Variants in C1orf21 observed in about 807,000 individuals in gnomAD.
C1orf21 encodes the protein chromosome 1 open reading frame 21, also known as uncharacterized protein C1orf21.
C1orf21 carries 3 observed loss-of-function variants against 18.7 expected under a neutral mutation model. The observed-to-expected ratio is 0.16, with a 90% CI of 0.07 to 0.42. C1orf21 has a LOEUF of 0.42. C1orf21 is among the 10% of genes least tolerant of loss of function. The pLI is 0.99. For synonymous variants in C1orf21, 41 were observed against 46.4 expected, an observed-to-expected ratio of 0.88 and a Z score of 0.47; for missense variants, 104 against 143.6, an observed-to-expected ratio of 0.72 and a Z score of 1.41.
intron 3 of C1orf21, among the ~76,000 whole-genome samples, chr1:184,564,826 G>A (rs1442278052): frequency 1.3e-5 from 2 of 152,178 alleles, no homozygotes; most frequent in African/African-American, 4.8e-5. Context: ...GACACAGCGA[G>A]TCACCTCTGC....
intron 3 of C1orf21, among the ~76,000 whole-genome samples, chr1:184,528,540 G>A (rs1397043315): frequency 1.3e-5 from 2 of 152,090 alleles, no homozygotes; most frequent in Admixed American, 1.3e-4. Context: ...TGCCTCCCAG[G>A]TTCCAGCAAT....
At chr1:184,568,384 T>C (rs1264154303) in intron 3 of C1orf21, 2 of 468,272 alleles carry the variant, frequency 4.3e-6, no homozygotes, top group African/African-American at 4.0e-5. Flanking sequence ...TCCTCCTTCC[T>C]CGCTGTTCCC....
intron 3 of C1orf21, among the ~76,000 whole-genome samples, chr1:184,552,853 C>G (rs1408428918): frequency 6.6e-6 from 1 of 152,154 alleles, no homozygotes; most frequent in Non-Finnish European, 1.5e-5. Flanking sequence ...TGAAATATTG[C>G]TTTGGTTATA....
chr1:184,464,948 T>C (rs1657365867), intron 1 of C1orf21, among the ~76,000 whole-genome samples: 1 of 152,078 alleles, frequency 6.6e-6, no homozygotes, highest in African/African-American at 2.4e-5. Flanking sequence ...TCTCTCTCTT[T>C]TAAAGAGAGA....
intron 3 of C1orf21, among the ~76,000 whole-genome samples, chr1:184,578,088 C>A (rs765991889): frequency 2.0e-5 from 3 of 151,818 alleles, no homozygotes. Flanking sequence ...TCCCGAATAG[C>A]TGAGATTACA....
At chr1:184,418,240 A>G (rs750454800) in intron 1 of C1orf21, among the ~76,000 whole-genome samples, 6 of 150,386 alleles carry the variant, frequency 4.0e-5, no homozygotes, top group Admixed American at 2.6e-4. Context: ...TTTTTTGGAG[A>G]TAGGGTCTTA....
intron 3 of C1orf21, among the ~76,000 whole-genome samples, chr1:184,578,887 C>G (rs1438736258): frequency 6.6e-6 from 1 of 151,668 alleles, no homozygotes; most frequent in Non-Finnish European, 1.5e-5. Flanking sequence ...TAAACTTTCT[C>G]AACATAAGCT....
rs1657864615 is a variant in C1orf21 at position 184,494,743 on chromosome 1, GA to G, written c.95-12843del. On this transcript the variant is annotated intron_variant, in intron 2 of 5. Transcript: ENST00000235307. ...CCATGGTCTGAGGCTTAGCAACATGGAATGAAAAATGAAATTTGAAAATTGT... is the reference window on the plus strand; with the variant it reads ...CCATGGTCTGAGGCTTAGCAACATGGATGAAAAATGAAATTTGAAAATTGT... Among the ~76,000 whole-genome samples the G allele has an allele frequency of 2.0e-5, 3 of 152,080 alleles. No individual in the cohort carries two copies. The South Asian group carries it at 6.2e-4, about 31-fold the overall frequency.
At chr1:184,568,007 T>A (rs943843037) in intron 3 of C1orf21, among the ~76,000 whole-genome samples, 5 of 152,144 alleles carry the variant, frequency 3.3e-5, no homozygotes, top group African/African-American at 1.2e-4. Flanking sequence ...GCACCATGGC[T>A]GAAGACAGCC....
At chr1:184,479,899 A>C (rs1420875139) in intron 2 of C1orf21, among the ~76,000 whole-genome samples, 1 of 152,144 alleles carries the variant, frequency 6.6e-6, no homozygotes, top group African/African-American at 2.4e-5. Context: ...CGGGGATTAC[A>C]GGCATGAACC....
intron 3 of C1orf21, among the ~76,000 whole-genome samples, chr1:184,589,403 G>A (rs570250559): frequency 6.6e-6 from 1 of 152,316 alleles, no homozygotes; most frequent in East Asian, 1.9e-4. Context: ...CTCATGAAGT[G>A]CCAGGCCCCT....
chr1:184,487,972 C>T (rs533640879), intron 2 of C1orf21, among the ~76,000 whole-genome samples: 1 of 152,366 alleles, frequency 6.6e-6, no homozygotes, highest in Admixed American at 6.5e-5. Flanking sequence ...TGCAGTTGCG[C>T]AGACCTCTGA....
Position 184,625,726 on chromosome 1 carries a change from G to A in C1orf21, c.*6170G>A, listed in dbSNP as rs1179951728. On this transcript the variant is annotated 3_prime_UTR_variant, in exon 6 of 6. Coordinates refer to ENST00000235307, the MANE Select transcript of C1orf21 (RefSeq NM_030806.4). ...AGGAAAAACCAGCCATCACTCTTGA[G>A]AAAGTTTGAGTTCGACTCACATGGG... The A allele has an allele frequency of 6.6e-6, 1 of 152,438 alleles. No individual in the cohort carries two copies. Among genetic ancestry groups the A allele is most frequent in the African/African-American group, 2.4e-5 (1 of 41,440 alleles). The allele number at this position is 152,438 out of a possible 1,614,324, so 9.4% of individuals were successfully genotyped here.
At chr1:184,411,135 A>T (rs1203744921) in intron 1 of C1orf21, among the ~76,000 whole-genome samples, 1 of 152,164 alleles carries the variant, frequency 6.6e-6, no homozygotes, top group East Asian at 1.9e-4. Flanking sequence ...ATCAGATGTA[A>T]GAGTCTGTGA....
chr1:184,557,578 T>C (rs2101984445), intron 3 of C1orf21, among the ~76,000 whole-genome samples: 1 of 152,360 alleles, frequency 6.6e-6, no homozygotes, highest in Non-Finnish European at 1.5e-5. Context: ...AATGCCATTA[T>C]TTCATTCCTT....
intron 1 of C1orf21, among the ~76,000 whole-genome samples, chr1:184,430,079 T>C (rs1656714681): frequency 7.3e-6 from 1 of 136,856 alleles, no homozygotes; most frequent in African/African-American, 2.8e-5. Flanking sequence ...CCCACTGCAC[T>C]CCAGCCTGGG....
At chr1:184,585,270 G>A (rs114148671) in intron 3 of C1orf21, among the ~76,000 whole-genome samples, 1,809 of 152,156 alleles carry the variant, frequency 0.012, 42 homozygotes, top group African/African-American at 0.042. Flanking sequence ...CTTTTCTCAT[G>A]GTGTTGACAT....
intron 1 of C1orf21, among the ~76,000 whole-genome samples, chr1:184,435,495 C>T (rs965675548): frequency 6.6e-6 from 1 of 152,148 alleles, no homozygotes; most frequent in African/African-American, 2.4e-5. Flanking sequence ...AGACATGCAC[C>T]ACCATGCCCA....
chr1:184,615,812 G>T (rs1047396095), intron 5 of C1orf21, among the ~76,000 whole-genome samples: 3 of 152,088 alleles, frequency 2.0e-5, no homozygotes, highest in African/African-American at 7.2e-5. Flanking sequence ...TTTTAAAATG[G>T]CATATAGTAA....
Sources: gnomAD v4.1 joint callset for allele counts (sites outside exome capture counted in the v4.1 genomes callset) on GRCh38, gnomAD v4.1.1 for gene constraint, MANE v1.5 for transcripts, NCBI Gene and HGNC (gene_info 2026-07-23, HGNC 2026-07-21) for gene names.